The following WDR27 variants were observed in gnomAD, a reference collection of about 807,000 sequenced individuals.
WDR27 encodes the protein WD repeat-containing protein 27.
Under a neutral mutation model 114.4 loss-of-function variants are expected in WDR27, and 100 were observed. The observed-to-expected ratio is 0.87, with a 90% confidence interval of 0.74 to 1.03. WDR27 has a LOEUF of 1.03. Among genes scored for constraint, WDR27 ranks in the 50% least tolerant of loss-of-function variants. The probability of loss-of-function intolerance (pLI) is 0.00; values close to 1 mark genes in which losing one functional copy is unlikely to be tolerated. For synonymous variants in WDR27, 449 were observed against 423.1 expected, an observed-to-expected ratio of 1.06 and a Z score of -0.75; for missense variants, 1,129 against 1,092.9, an observed-to-expected ratio of 1.03 and a Z score of -0.47.
At chr6:169,690,625 T>A (rs1037970409) in intron 1 of WDR27, among the ~76,000 whole-genome samples, 1 of 152,064 alleles carries the variant, frequency 6.6e-6, no homozygotes. Context: ...AGGACATGGA[T>A]CCATGGCCAG....
intron 25 of WDR27, among the ~76,000 whole-genome samples, chr6:169,531,369 T>C (rs1795569621): frequency 6.6e-6 from 1 of 152,216 alleles, no homozygotes; most frequent in Non-Finnish European, 1.5e-5. Context: ...AATTATATCT[T>C]AATCCCGTGG....
rs201443153 is a variant in WDR27 at position 169,660,793 on chromosome 6, T to C, written c.1026-27A>G. 1.7e-4 allele frequency: 268 copies of C among 1,594,808 alleles called. 2 individuals carry two copies. Among genetic ancestry groups the C allele is most frequent in the Non-Finnish European group, 3.3e-5 (38 of 1,166,386 alleles). ...TGATTTAAGGAAAAAAAGAAAAGAATACACAATAATCTTATTCCTGAAGGT... is the reference window on the plus strand; with the variant it reads ...TGATTTAAGGAAAAAAAGAAAAGAACACACAATAATCTTATTCCTGAAGGT... On this transcript the variant is annotated intron_variant, in intron 9 of 25. Coordinates refer to ENST00000448612, the MANE Select transcript of WDR27 (RefSeq NM_182552.5).
intron 25 of WDR27, among the ~76,000 whole-genome samples, chr6:169,494,136 A>G (rs771854424): frequency 5.3e-5 from 8 of 152,214 alleles, no homozygotes; most frequent in Non-Finnish European, 1.2e-4. Context: ...GTGCCCAAAT[A>G]TCTTCTCAAA....
At position 169,668,143 on chromosome 6, in the gene WDR27, T is replaced by A. The variant is rs769080644; in HGVS notation, c.499A>T (p.Asn167Tyr). The change falls in exon 5 of 26, where the codon AAC becomes TAC. Residue 167 changes from asparagine to tyrosine, a missense_variant. Coordinates refer to ENST00000448612, the MANE Select transcript of WDR27 (RefSeq NM_182552.5). ...GTCGGTGGTGGGACTTTGTGGCGGT[T>A]ATTAACATCAGGACGTTCTATGTAT... ...VTYIERPDVN[N>Y]RHKVPPPTFL... is the part of the protein sequence containing the mutation. 6.2e-7 allele frequency: 1 copy of A among 1,614,004 alleles called. No individual in the cohort carries two copies. The highest frequency in any genetic ancestry group is 8.5e-7 in the Non-Finnish European group (1 of 1,179,890).
chr6:169,509,896 A>C (rs1420245315), intron 25 of WDR27, among the ~76,000 whole-genome samples: 1 of 152,240 alleles, frequency 6.6e-6, no homozygotes, highest in African/African-American at 2.4e-5. Context: ...CAAAGAGCTT[A>C]TATCCAGAAT....
chr6:169,491,790 T>C (rs998460367), intron 25 of WDR27, among the ~76,000 whole-genome samples: 1 of 152,114 alleles, frequency 6.6e-6, no homozygotes, highest in African/African-American at 2.4e-5. Context: ...GGTAGTTACA[T>C]GGCTAGATGT....
At position 169,560,859 on chromosome 6, in the gene WDR27, G is replaced by A. The variant is rs1214386807; in HGVS notation, c.2645+11560C>T. 2.6e-5 allele frequency among the ~76,000 whole-genome samples: 4 copies of A among 152,160 alleles called. No individual in the cohort carries two copies. In the East Asian group the frequency reaches 5.8e-4, roughly 22 times the overall value. On this transcript the variant is annotated intron_variant, in intron 25 of 25. Transcript: ENST00000448612. ...CTCTGTGGAGGCGAGACCTACTTAA[G>A]GGACAGAAAGATCGTATAATCCAAC...
intron 2 of WDR27, among the ~76,000 whole-genome samples, chr6:169,676,292 G>C (rs1436769681): frequency 6.6e-6 from 1 of 151,678 alleles, no homozygotes; most frequent in East Asian, 2.1e-4. Flanking sequence ...TATCTAAGGG[G>C]CTTAAGGATT....
intron 25 of WDR27, among the ~76,000 whole-genome samples, chr6:169,470,601 C>T (rs967209784): frequency 6.6e-6 from 1 of 152,200 alleles, no homozygotes; most frequent in African/African-American, 2.4e-5. Flanking sequence ...ACTGTGTCCT[C>T]ACGTGACATT....
At chr6:169,513,095 T>C (rs1583889037) in intron 25 of WDR27, among the ~76,000 whole-genome samples, 1 of 152,316 alleles carries the variant, frequency 6.6e-6, no homozygotes, top group Admixed American at 6.5e-5. Flanking sequence ...GATATTTCAC[T>C]GTTTTGTGGG....
intron 15 of WDR27, among the ~76,000 whole-genome samples, chr6:169,648,306 C>G (rs1316454293): frequency 1.3e-5 from 2 of 152,180 alleles, no homozygotes; most frequent in East Asian, 3.9e-4. Context: ...CACGCCCGAG[C>G]CCTGGGTGGC....
At chr6:169,649,137 A>T in intron 15 of WDR27, 61 bp downstream of exon 15, 1 of 1,388,264 alleles carries the variant, frequency 7.2e-7, no homozygotes, top group Admixed American at 2.0e-5. Context: ...AGAACCAGTT[A>T]AAGTGTTGGA....
intron 24 of WDR27, among the ~76,000 whole-genome samples, chr6:169,582,238 G>A (rs943152213): frequency 1.3e-5 from 2 of 152,184 alleles, no homozygotes; most frequent in African/African-American, 4.8e-5. Flanking sequence ...GCCTCCCAAA[G>A]TGCTGGGATT....
intron 8 of WDR27, 54 bp from the exon 9 acceptor site, chr6:169,662,478 G>C: frequency 1.3e-6 from 2 of 1,596,600 alleles, no homozygotes; most frequent in Non-Finnish European, 1.7e-6. Flanking sequence ...CATCCGTCAA[G>C]TTTAAAGGCT....
intron 21 of WDR27, 126 bp downstream of exon 21, chr6:169,632,821 A>T: frequency 1.1e-6 from 1 of 890,410 alleles, no homozygotes; most frequent in South Asian, 3.9e-5. Flanking sequence ...TAATTTAATG[A>T]TCAATAAAAA....
chr6:169,539,644 G>C (rs1396541609), intron 25 of WDR27, among the ~76,000 whole-genome samples: 1 of 152,186 alleles, frequency 6.6e-6, no homozygotes, highest in African/African-American at 2.4e-5. Context: ...GTTCCAAGGA[G>C]GCAATGTCAG....
intron 25 of WDR27, among the ~76,000 whole-genome samples, chr6:169,497,784 C>G (rs1013674937): frequency 2.6e-5 from 4 of 151,884 alleles, no homozygotes; most frequent in African/African-American, 9.7e-5. Context: ...AAATTTGGAC[C>G]CTGTACACTG....
chr6:169,632,106 T>A (rs578204645), intron 21 of WDR27, among the ~76,000 whole-genome samples: 1 of 150,580 alleles, frequency 6.6e-6, no homozygotes, highest in Non-Finnish European at 1.5e-5. Flanking sequence ...GAGAATCGCT[T>A]GAACCCAGGA....
At chr6:169,515,829 T>C (rs945607152) in intron 25 of WDR27, among the ~76,000 whole-genome samples, 2 of 149,734 alleles carry the variant, frequency 1.3e-5, no homozygotes, top group African/African-American at 4.9e-5. Flanking sequence ...TTGTGAAGGA[T>C]ATATATTATA....
Sources: gnomAD v4.1 joint callset for allele counts (sites outside exome capture counted in the v4.1 genomes callset) on GRCh38, gnomAD v4.1.1 for gene constraint, MANE v1.5 for transcripts, NCBI Gene and HGNC (gene_info 2026-07-23, HGNC 2026-07-21) for gene names.